CFAP54: variants seen among roughly 807,000 people sequenced by gnomAD.
The protein encoded by CFAP54 is cilia- and flagella-associated protein 54.
In CFAP54, 290 loss-of-function variants were observed where a neutral mutation model predicts 370.4. The ratio of observed to expected loss-of-function variants is 0.78; its 90% CI spans 0.71 to 0.86. The LOEUF is 0.86. CFAP54 is among the 40% of genes least tolerant of loss of function. The probability of loss-of-function intolerance (pLI) is 0.00; values close to 1 mark genes in which losing one functional copy is unlikely to be tolerated. For synonymous variants in CFAP54, 1,206 were observed against 1,236.5 expected, an observed-to-expected ratio of 0.98 and a Z score of 0.52; for missense variants, 3,399 against 3,528.7, an observed-to-expected ratio of 0.96 and a Z score of 0.93.
chr12:96,743,863 G>C lies in CFAP54; in HGVS notation c.7510G>C (p.Gly2504Arg). ...CAAGGAATCTCCCTCTTCAAAAACAGGAAAATTAAATTTGTTAACTCGGGC... is the reference window on the plus strand; with the variant it reads ...CAAGGAATCTCCCTCTTCAAAAACACGAAAATTAAATTTGTTAACTCGGGC... ...KFKESPSSKTGKLNLLTRAHS... is the reference protein window; with the variant it reads ...KFKESPSSKTRKLNLLTRAHS... The change falls in exon 54 of 68, where the codon GGA becomes CGA. Residue 2504 changes from glycine to arginine, a missense_variant. By Grantham distance (125) the Gly-to-Arg change is moderately radical. Around this residue, in one of 3 missense-constraint regions of CFAP54, gnomAD observed 2,796 missense variants for 2,869.7 expected, o/e 0.97. Coordinates refer to ENST00000524981, the MANE Select transcript of CFAP54 (RefSeq NM_001306084.2). 1 of 1,613,658 alleles carries C rather than the reference G, an allele frequency of 6.2e-7. No individual in the cohort carries two copies. Among genetic ancestry groups the C allele is most frequent in the South Asian group, 1.1e-5 (1 of 91,000 alleles).
At chr12:96,552,607 G>A (rs1267387606) in intron 15 of CFAP54, among the ~76,000 whole-genome samples, 1 of 152,184 alleles carries the variant, frequency 6.6e-6, no homozygotes, top group African/African-American at 2.4e-5. Context: ...GCCTCCCCAA[G>A]TGTTGGGGTT....
chr12:96,788,754 G>A (rs934665949), intron 62 of CFAP54, among the ~76,000 whole-genome samples: 1 of 152,056 alleles, frequency 6.6e-6, no homozygotes, highest in Non-Finnish European at 1.5e-5. Flanking sequence ...TTTAAAAGTA[G>A]TGGAAAAACC....
chr12:96,632,450 C>T (rs1223715223), intron 32 of CFAP54, among the ~76,000 whole-genome samples: 2 of 151,950 alleles, frequency 1.3e-5, no homozygotes, highest in Non-Finnish European at 2.9e-5. Flanking sequence ...GAGTCCCTTT[C>T]ACTCTTTTTT....
chr12:96,757,340 A>G (rs557270266), intron 57 of CFAP54, among the ~76,000 whole-genome samples, 155 bp from the exon 58 acceptor site: 10 of 152,310 alleles, frequency 6.6e-5, no homozygotes, highest in East Asian at 1.9e-4. Flanking sequence ...GCTAGTATCT[A>G]TGGTCAAAAG....
In CFAP54 at chr12:96,850,100, C is replaced by T. The variant is rs959552832; in HGVS notation, c.9172-10719C>T. Among the ~76,000 whole-genome samples the T allele has an allele frequency of 5.9e-5, 9 of 152,018 alleles. No individual in the cohort carries two copies. The East Asian group carries it at 7.8e-4, about 13-fold the overall frequency. ...GAAAAACATGCCAAGAGAGCACAGC[C>T]GGGCACGGTGGCTCACGCCTGTAAT... On this transcript the variant is annotated intron_variant, in intron 66 of 67. Coordinates refer to ENST00000524981, the MANE Select transcript of CFAP54 (RefSeq NM_001306084.2).
chr12:96,773,815 C>G (rs1156601731), intron 60 of CFAP54, among the ~76,000 whole-genome samples: 2 of 152,124 alleles, frequency 1.3e-5, no homozygotes, highest in African/African-American at 4.8e-5. Flanking sequence ...ATCTGTACAT[C>G]TTATACATTT....
chr12:96,763,404 C>A (rs939650580), intron 58 of CFAP54, among the ~76,000 whole-genome samples: 16 of 152,074 alleles, frequency 1.1e-4, no homozygotes, highest in African/African-American at 3.6e-4. Flanking sequence ...AATCTTTAAG[C>A]AATGTTGTAA....
At chr12:96,680,222 G>A (rs889633996) in intron 40 of CFAP54, among the ~76,000 whole-genome samples, 4 of 152,074 alleles carry the variant, frequency 2.6e-5, no homozygotes, top group South Asian at 2.1e-4. Context: ...TGCTCTTAGG[G>A]CTTTTATTTT....
intron 19 of CFAP54, among the ~76,000 whole-genome samples, chr12:96,566,454 A>G (rs1434866717): frequency 6.6e-6 from 1 of 152,192 alleles, no homozygotes; most frequent in Non-Finnish European, 1.5e-5. Flanking sequence ...TGACAGCAGA[A>G]TATTTGTGAC....
intron 20 of CFAP54, among the ~76,000 whole-genome samples, chr12:96,579,854 T>A (rs1956015206): frequency 6.6e-6 from 1 of 151,952 alleles, no homozygotes; most frequent in South Asian, 2.1e-4. Flanking sequence ...ATATTTTATG[T>A]TTGATTTATG....
In CFAP54 at chr12:96,728,125, C is replaced by T. The variant is rs567693206; in HGVS notation, c.6965+7560C>T. On this transcript the variant is annotated intron_variant, in intron 50 of 67. Transcript: ENST00000524981. ...GCCCTTAACATTTCTCCCTTCATTT[C>T]AACTTTGGTGAATCTGACAATTATG... 5.3e-5 allele frequency among the ~76,000 whole-genome samples: 8 copies of T among 152,290 alleles called. No individual in the cohort carries two copies. In the South Asian group the frequency reaches 1.7e-3, roughly 32 times the overall value.
At chr12:96,787,046 G>A (rs1398410776) in intron 62 of CFAP54, 148 bp downstream of exon 62, 2 of 647,642 alleles carry the variant, frequency 3.1e-6, no homozygotes, top group East Asian at 2.7e-5. Context: ...GTTACCATGT[G>A]GATAGGCTAA....
At chr12:96,650,150 GT>G in intron 35 of CFAP54, 78 bp downstream of exon 35, 1 of 1,220,072 alleles carries the variant, frequency 8.2e-7, no homozygotes, top group Non-Finnish European at 1.1e-6. Flanking sequence ...GATACATTGT[GT>G]TTATTTTCTT....
intron 27 of CFAP54, among the ~76,000 whole-genome samples, 154 bp downstream of exon 27, chr12:96,621,875 GTTTTTTTTTTT>G (rs71068819): frequency 2.2e-4 from 11 of 50,034 alleles, no homozygotes; most frequent in East Asian, 8.4e-4. Context: ...TTTTGGGTTT[GTTTTTTTTTTT>G]TTTTTTTTTT....
intron 40 of CFAP54, chr12:96,682,270 G>A (rs1302292046): frequency 2.1e-5 from 21 of 985,714 alleles, no homozygotes; most frequent in South Asian, 1.4e-4. Flanking sequence ...TTTTAGTTCC[G>A]TGGAGAAAAG....
rs760874605 is a variant in CFAP54 at position 96,743,903 on chromosome 12, C to G, written c.7550C>G (p.Thr2517Ser). The G allele has an allele frequency of 2.5e-6, 4 of 1,612,346 alleles. No homozygotes were observed. The South Asian group carries it at 4.4e-5, about 18-fold the overall frequency. Residue 2517 changes from threonine to serine, a missense_variant, in exon 54 of 68, where the codon ACT becomes AGT. Coordinates refer to ENST00000524981, the MANE Select transcript of CFAP54 (RefSeq NM_001306084.2). The part of the protein sequence containing the change: ...NLLTRAHSIL[T>S]EQMLAFGETI... ...TTAACTCGGGCTCATAGCATTCTAA[C>G]TGAACAGGTGAGAATGCTTTTGTGT... is the stretch of plus-strand genomic sequence containing the variant.
chr12:96,733,107 C>T (rs969788972), intron 50 of CFAP54, among the ~76,000 whole-genome samples: 6 of 152,142 alleles, frequency 3.9e-5, no homozygotes, highest in Non-Finnish European at 8.8e-5. Flanking sequence ...AAATAGTGTG[C>T]AAGTATATCA....
chr12:96,497,329 C>T (rs1954965880), intron 1 of CFAP54, among the ~76,000 whole-genome samples: 1 of 152,178 alleles, frequency 6.6e-6, no homozygotes, highest in African/African-American at 2.4e-5. Flanking sequence ...ATAGCTAACA[C>T]AGCATTGAAG....
intron 55 of CFAP54, among the ~76,000 whole-genome samples, chr12:96,750,983 T>C (rs940128075): frequency 1.4e-4 from 22 of 152,228 alleles, no homozygotes; most frequent in African/African-American, 5.3e-4. Flanking sequence ...TTTTCCTTTA[T>C]AGTATAGATT....
Sources: gnomAD v4.1 joint callset for allele counts (sites outside exome capture counted in the v4.1 genomes callset) on GRCh38, gnomAD v4.1.1 for gene constraint, gnomAD v4.1.1 regional missense constraint, MANE v1.5 for transcripts, NCBI Gene and HGNC (gene_info 2026-07-23, HGNC 2026-07-21) for gene names.